The following DPP10 variants were observed in gnomAD, a reference collection of about 807,000 sequenced individuals.
DPP10 encodes the protein inactive dipeptidyl peptidase 10.
In DPP10, 33 loss-of-function variants were observed where a neutral mutation model predicts 120.9. The ratio of observed to expected loss-of-function variants is 0.27; its 90% CI spans 0.21 to 0.37. DPP10 has a LOEUF of 0.37. Ranked by LOEUF, DPP10 falls within the 10% of genes least tolerant of loss-of-function variation. The probability of loss-of-function intolerance (pLI) is 1.00; values close to 1 mark genes in which losing one functional copy is unlikely to be tolerated. For missense variants in DPP10, 816 were observed against 942.8 expected (o/e 0.87, Z 1.76); for synonymous variants, 337 against 326.1 (o/e 1.03, Z -0.36).
At chr2:114,497,384 TACATACAC>T (rs1682751013) in intron 1 of DPP10, among the ~76,000 whole-genome samples, 1 of 137,070 alleles carries the variant, frequency 7.3e-6, no homozygotes, top group African/African-American at 2.8e-5. Flanking sequence ...CATATACATA[TACATACAC>T]ATACATATAC....
intron 1 of DPP10, among the ~76,000 whole-genome samples, chr2:114,935,175 C>T (rs996356177): frequency 2.0e-5 from 3 of 152,138 alleles, no homozygotes; most frequent in Admixed American, 6.5e-5. Flanking sequence ...AATTACAACC[C>T]GGTCTTCTAC....
chr2:115,399,738 A>G (rs1462951843), intron 3 of DPP10, among the ~76,000 whole-genome samples: 1 of 152,234 alleles, frequency 6.6e-6, no homozygotes, highest in East Asian at 1.9e-4. Context: ...ATTTCATCAC[A>G]ACTTCTTCCA....
At chr2:115,570,054 C>A (rs954853997) in intron 5 of DPP10, among the ~76,000 whole-genome samples, 1 of 152,128 alleles carries the variant, frequency 6.6e-6, no homozygotes, top group Non-Finnish European at 1.5e-5. Context: ...GAAGGCTGAT[C>A]GTCAAAGAAA....
chr2:114,836,473 T>G (rs1051763003), intron 1 of DPP10, among the ~76,000 whole-genome samples: 1 of 152,086 alleles, frequency 6.6e-6, no homozygotes, highest in African/African-American at 2.4e-5. Context: ...TTTTTATTAG[T>G]GATTTTCAAA....
chr2:114,998,589 G>T (rs1310961486), intron 1 of DPP10, among the ~76,000 whole-genome samples: 1 of 152,086 alleles, frequency 6.6e-6, no homozygotes, highest in African/African-American at 2.4e-5. Context: ...TTTCTTATCT[G>T]AATTCATTTG....
chr2:115,172,639 G>A (rs72955512), intron 1 of DPP10, among the ~76,000 whole-genome samples: 1,747 of 152,262 alleles, frequency 0.011, 29 homozygotes, highest in African/African-American at 0.036. Flanking sequence ...TGTATCTGAT[G>A]CTTCATCTGA....
At chr2:114,497,036 C>CAT (rs148498136) in intron 1 of DPP10, among the ~76,000 whole-genome samples, 24 of 150,452 alleles carry the variant, frequency 1.6e-4, no homozygotes, top group Admixed American at 1.5e-3. Context: ...TGTATATATA[C>CAT]ATATATATGC....
chr2:115,404,071 C>T (rs942055752), intron 3 of DPP10, among the ~76,000 whole-genome samples: 4 of 152,190 alleles, frequency 2.6e-5, no homozygotes, highest in African/African-American at 9.6e-5. Flanking sequence ...TCCCACATTG[C>T]TATAAAAATA....
Position 115,240,747 on chromosome 2 carries a change from C to G in DPP10, c.61-68492C>G, listed in dbSNP as rs1304397809. 2.6e-5 allele frequency among the ~76,000 whole-genome samples: 4 copies of G among 152,252 alleles called. No individual in the cohort carries two copies. In the East Asian group the frequency reaches 7.7e-4, roughly 29 times the overall value. ...GAACCCACAATGTCTTCAAAGTATG[C>G]CCATACTAAGTACCCACTCCTTATA... On this transcript the variant is annotated intron_variant, in intron 1 of 25. Coordinates refer to ENST00000410059, the MANE Select transcript of DPP10 (RefSeq NM_020868.6).
At chr2:115,793,548 G>A (rs1008701680) in intron 19 of DPP10, among the ~76,000 whole-genome samples, 1 of 152,024 alleles carries the variant, frequency 6.6e-6, no homozygotes, top group African/African-American at 2.4e-5. Context: ...GTATTTTAAA[G>A]TATTTAATGT....
At chr2:114,870,029 C>T (rs1252933950) in intron 1 of DPP10, among the ~76,000 whole-genome samples, 1 of 152,166 alleles carries the variant, frequency 6.6e-6, no homozygotes, top group East Asian at 1.9e-4. Flanking sequence ...TTCAGAATTA[C>T]ATTCTCTAGT....
chr2:114,450,039 G>A (rs1321135049), intron 1 of DPP10, among the ~76,000 whole-genome samples: 4 of 152,076 alleles, frequency 2.6e-5, no homozygotes, highest in Non-Finnish European at 5.9e-5. Context: ...TCATCCCAGT[G>A]CTGTGCTACC....
chr2:115,023,195 C>T lies in DPP10; in HGVS notation c.61-286044C>T, dbSNP rs185769736. ...CCTTCTGCACAGCAAAAGAAATAATCAGCAAAGTAAACCGACAACCCACAG... is the reference window on the plus strand; with the variant it reads ...CCTTCTGCACAGCAAAAGAAATAATTAGCAAAGTAAACCGACAACCCACAG... On this transcript the variant is annotated intron_variant, in intron 1 of 25. Coordinates refer to ENST00000410059, the MANE Select transcript of DPP10 (RefSeq NM_020868.6). 3.5e-4 allele frequency among the ~76,000 whole-genome samples: 54 copies of T among 152,210 alleles called. 1 individual carries two copies. Among genetic ancestry groups the T allele is most frequent in the Non-Finnish European group, 2.2e-4 (15 of 67,988 alleles).
chr2:115,044,609 C>T (rs1306985306), intron 1 of DPP10, among the ~76,000 whole-genome samples: 1 of 152,074 alleles, frequency 6.6e-6, no homozygotes, highest in Non-Finnish European at 1.5e-5. Flanking sequence ...GGTGCCCCAC[C>T]TCCAGCATTG....
intron 1 of DPP10, among the ~76,000 whole-genome samples, chr2:114,837,662 C>T (rs2106435098): frequency 6.6e-6 from 1 of 152,248 alleles, no homozygotes; most frequent in South Asian, 2.1e-4. Flanking sequence ...TCAGATTAGG[C>T]TCATCTATGC....
intron 1 of DPP10, among the ~76,000 whole-genome samples, chr2:114,712,996 T>C (rs1454296523): frequency 2.6e-5 from 4 of 151,064 alleles, no homozygotes; most frequent in African/African-American, 9.7e-5. Context: ...CAAATTCTTT[T>C]TTTTTTTTTT....
chr2:114,722,836 C>G (rs1456139118), intron 1 of DPP10, among the ~76,000 whole-genome samples: 1 of 149,320 alleles, frequency 6.7e-6, no homozygotes, highest in Admixed American at 6.7e-5. Flanking sequence ...CCTGTAAAGC[C>G]TTCTTTTTAC....
Position 115,161,821 on chromosome 2 carries a change from C to T in DPP10, c.61-147418C>T, listed in dbSNP as rs1289386926. On this transcript the variant is annotated intron_variant, in intron 1 of 25. Transcript: ENST00000410059. Reference sequence around the variant, plus strand: ...TGCCGCTCTTCTTCCCCTCCCCGCCCCTCCGCTCCCCCCACCCCGTCCCTT... The same window carrying T: ...TGCCGCTCTTCTTCCCCTCCCCGCCTCTCCGCTCCCCCCACCCCGTCCCTT... 3 of 834,104 alleles carry T rather than the reference C, an allele frequency of 3.6e-6. No individual in the cohort carries two copies. The African/African-American group carries it at 5.5e-5, about 15-fold the overall frequency. 51.7% of individuals were successfully genotyped at this position (834,104 alleles called of 1,614,324 possible).
At chr2:115,807,253 T>G (rs2150004431) in intron 19 of DPP10, among the ~76,000 whole-genome samples, 1 of 152,356 alleles carries the variant, frequency 6.6e-6, no homozygotes, top group South Asian at 2.1e-4. Flanking sequence ...CCTTCTATTT[T>G]ATTGAACAAT....
Sources: gnomAD v4.1 joint callset for allele counts (sites outside exome capture counted in the v4.1 genomes callset) on GRCh38, gnomAD v4.1.1 for gene constraint, MANE v1.5 for transcripts, NCBI Gene and HGNC (gene_info 2026-07-23, HGNC 2026-07-21) for gene names.